Variants in EXOC6B observed in about 807,000 individuals in gnomAD.
EXOC6B encodes the protein SEC15 homolog B.
A neutral mutation model predicts 113.5 loss-of-function variants in EXOC6B; 54 were observed. The ratio of observed to expected loss-of-function variants is 0.48; its 90% confidence interval spans 0.38 to 0.60. EXOC6B has a LOEUF of 0.60. EXOC6B is among the 20% of genes least tolerant of loss of function. The pLI is 0.00. For missense variants in EXOC6B, 797 were observed against 977.5 expected (o/e 0.82, Z 2.46); for synonymous variants, 357 against 339.0 (o/e 1.05, Z -0.58).
intron 20 of EXOC6B, among the ~76,000 whole-genome samples, chr2:72,233,614 AGGGGGACC>A: frequency 6.6e-6 from 1 of 152,300 alleles, no homozygotes; most frequent in African/African-American, 2.4e-5. Context: ...TCTTGAGTCC[AGGGGGACC>A]TCTACAAGCC....
chr2:72,791,877 C>G (rs556550229), intron 1 of EXOC6B, among the ~76,000 whole-genome samples: 3 of 152,324 alleles, frequency 2.0e-5, no homozygotes, highest in South Asian at 4.1e-4. Flanking sequence ...CAGCAGCCAG[C>G]CCTGTAAGTT....
chr2:72,542,465 A>T (rs1044568842), intron 8 of EXOC6B, among the ~76,000 whole-genome samples: 1 of 152,196 alleles, frequency 6.6e-6, no homozygotes, highest in Admixed American at 6.5e-5. Flanking sequence ...TTTGAGTTAT[A>T]AGAATCTGAA....
chr2:72,528,839 G>T (rs1205947658), intron 8 of EXOC6B, among the ~76,000 whole-genome samples: 1 of 151,976 alleles, frequency 6.6e-6, no homozygotes, highest in African/African-American at 2.4e-5. Flanking sequence ...CATATTCATT[G>T]TGAGTATACA....
intron 18 of EXOC6B, among the ~76,000 whole-genome samples, chr2:72,457,012 GAAAA>G: frequency 7.1e-6 from 1 of 140,700 alleles, no homozygotes; most frequent in African/African-American, 2.6e-5. Flanking sequence ...GCATGGGGGG[GAAAA>G]AAAAAAAAGA....
At chr2:72,303,249 C>T (rs953511018) in intron 20 of EXOC6B, among the ~76,000 whole-genome samples, 2 of 152,030 alleles carry the variant, frequency 1.3e-5, no homozygotes, top group African/African-American at 4.8e-5. Context: ...CTTTCAGGGG[C>T]TCTCTGTGTT....
chr2:72,467,078 A>T (rs181336867), intron 17 of EXOC6B, among the ~76,000 whole-genome samples: 1 of 152,212 alleles, frequency 6.6e-6, no homozygotes, highest in East Asian at 1.9e-4. Flanking sequence ...ACATGAGATC[A>T]TGCATATTCT....
At chr2:72,201,726 T>A (rs1322328513) in intron 20 of EXOC6B, among the ~76,000 whole-genome samples, 1 of 152,202 alleles carries the variant, frequency 6.6e-6, no homozygotes, top group Non-Finnish European at 1.5e-5. Flanking sequence ...TGGGAATGGA[T>A]CAGCAAGTCT....
chr2:72,824,870 TGTCTGG>T (rs1686805942), intron 1 of EXOC6B, among the ~76,000 whole-genome samples: 2 of 152,110 alleles, frequency 1.3e-5, no homozygotes, highest in Non-Finnish European at 2.9e-5. Flanking sequence ...AGTGGTTAAG[TGTCTGG>T]GTCCAGGCTA....
At chr2:72,372,755 G>A (rs1453780807) in intron 19 of EXOC6B, among the ~76,000 whole-genome samples, 4 of 152,042 alleles carry the variant, frequency 2.6e-5, no homozygotes, top group African/African-American at 9.7e-5. Flanking sequence ...TGAGGCAGGA[G>A]AATTGCTTGA....
intron 6 of EXOC6B, among the ~76,000 whole-genome samples, chr2:72,665,685 G>A (rs902838427): frequency 4.6e-5 from 7 of 152,118 alleles, no homozygotes; most frequent in African/African-American, 1.4e-4. Flanking sequence ...CTTAAAAGAG[G>A]TGTTTAACAA....
chr2:72,575,489 T>C lies in EXOC6B; in HGVS notation c.846+3A>G, dbSNP rs75680051. 3,308 of 1,604,358 alleles carry C rather than the reference T, an allele frequency of 2.1e-3. 77 individuals are homozygous for C. The African/African-American group carries it at 0.037, about 18-fold the overall frequency. ...TCACTTCCCAACATCAAATGTTACT[T>C]ACCTCTTCATCATCTTCCTCGTCTT... On this transcript the variant is annotated splice_donor_region_variant and intron_variant, in intron 7 of 21. Coordinates refer to ENST00000272427, the MANE Select transcript of EXOC6B (RefSeq NM_015189.3).
intron 6 of EXOC6B, among the ~76,000 whole-genome samples, chr2:72,653,607 C>A (rs1180883584): frequency 2.1e-5 from 3 of 143,948 alleles, no homozygotes; most frequent in East Asian, 1.9e-4. Flanking sequence ...AACCCCCCCC[C>A]AAAAAGAAAG....
At chr2:72,428,066 T>G (rs1364515253) in intron 18 of EXOC6B, among the ~76,000 whole-genome samples, 1 of 152,186 alleles carries the variant, frequency 6.6e-6, no homozygotes, top group Non-Finnish European at 1.5e-5. Flanking sequence ...AGAAATGAGC[T>G]GTACCCCGTA....
At chr2:72,458,253 C>T (rs1357076998) in intron 18 of EXOC6B, among the ~76,000 whole-genome samples, 1 of 152,134 alleles carries the variant, frequency 6.6e-6, no homozygotes, top group Non-Finnish European at 1.5e-5. Context: ...GAACTCTTTT[C>T]TCTCCCATTC....
rs551760100 is a variant in EXOC6B, at chr2:72,453,914, C to A, written c.1980+11246G>T. ...CACAATTCTGCATGGCTGGTCAGGC[C>A]TCAGGAAACTCACAATCATGGCAGA... On this transcript the variant is annotated intron_variant, in intron 18 of 21. Transcript: ENST00000272427. Among the ~76,000 whole-genome samples, 6 of 152,236 alleles carry A rather than the reference C, an allele frequency of 3.9e-5. No individual in the cohort carries two copies. The South Asian group carries it at 1.2e-3, about 32-fold the overall frequency.
intron 18 of EXOC6B, among the ~76,000 whole-genome samples, chr2:72,433,983 G>A (rs1487459492): frequency 6.6e-6 from 1 of 152,112 alleles, no homozygotes; most frequent in Admixed American, 6.5e-5. Context: ...TCTTGTGCCG[G>A]TTTTCAAAGG....
At chr2:72,348,565 G>A (rs1171359631) in intron 19 of EXOC6B, among the ~76,000 whole-genome samples, 3 of 151,878 alleles carry the variant, frequency 2.0e-5, no homozygotes, top group African/African-American at 7.3e-5. Context: ...CATGTTGAAA[G>A]TGGTCACAAA....
At chr2:72,491,963 G>A (rs1251910750) in intron 16 of EXOC6B, among the ~76,000 whole-genome samples, 1 of 152,008 alleles carries the variant, frequency 6.6e-6, no homozygotes, top group Non-Finnish European at 1.5e-5. Flanking sequence ...CATATTCTAC[G>A]TTGTACATGA....
chr2:72,672,723 A>G (rs1388953575), intron 6 of EXOC6B, among the ~76,000 whole-genome samples: 3 of 152,160 alleles, frequency 2.0e-5, no homozygotes, highest in African/African-American at 7.2e-5. Context: ...CAAATATCAC[A>G]TGTTCTCACT....
Sources: allele counts gnomAD v4.1 joint callset (sites outside exome capture counted in the v4.1 genomes callset), GRCh38; gene constraint gnomAD v4.1.1; transcripts MANE v1.5; gene names NCBI Gene and HGNC (gene_info 2026-07-23, HGNC 2026-07-21).